Variants in NXN observed in about 807,000 individuals in gnomAD.
The protein encoded by NXN is nucleoredoxin.
Under a neutral mutation model 48.6 loss-of-function variants are expected in NXN, and 16 were observed. The observed-to-expected ratio is 0.33, with a 90% confidence interval of 0.22 to 0.50. The LOEUF is 0.50. Ranked by LOEUF, NXN falls within the 20% of genes least tolerant of loss-of-function variation. The pLI is 0.98. For missense variants in NXN, 492 were observed against 605.5 expected, an observed-to-expected ratio of 0.81 and a Z score of 1.97; for synonymous variants, 281 against 269.6, an observed-to-expected ratio of 1.04 and a Z score of -0.41.
intron 1 of NXN, among the ~76,000 whole-genome samples, chr17:884,172 G>C (rs1372816272): frequency 6.6e-6 from 1 of 152,126 alleles, no homozygotes; most frequent in Non-Finnish European, 1.5e-5. Context: ...AGTGAGCTGA[G>C]ATTGCACCAC....
chr17:946,204 C>T (rs984696158), intron 1 of NXN, among the ~76,000 whole-genome samples: 3 of 40,504 alleles, frequency 7.4e-5, no homozygotes, highest in East Asian at 6.2e-4. Context: ...GGCGCGATCC[C>T]TGCTCACTGC....
rs1035128641 is a variant in NXN, at chr17:918,517, C to T, written c.360+60802G>A. Reference sequence around the variant, plus strand: ...GACTTAAAAAGGGTTTGGTTGAGGCCGGGCGCAGTGGCTCATGCCTGTAAT... The same window carrying T: ...GACTTAAAAAGGGTTTGGTTGAGGCTGGGCGCAGTGGCTCATGCCTGTAAT... On this transcript the variant is annotated intron_variant, in intron 1 of 7. Transcript: ENST00000336868. 3.9e-5 allele frequency among the ~76,000 whole-genome samples: 6 copies of T among 152,154 alleles called. No individual in the cohort carries two copies. The East Asian group carries it at 9.7e-4, about 24-fold the overall frequency.
intron 1 of NXN, among the ~76,000 whole-genome samples, chr17:889,215 C>A (rs2068382857): frequency 6.6e-6 from 1 of 151,998 alleles, no homozygotes; most frequent in Non-Finnish European, 1.5e-5. Context: ...CCTGCACGTG[C>A]CACACTTGCC....
chr17:938,614 G>T (rs1451845648), intron 1 of NXN, among the ~76,000 whole-genome samples: 1 of 152,106 alleles, frequency 6.6e-6, no homozygotes, highest in East Asian at 1.9e-4. Context: ...ACCTGGGGAG[G>T]CGGAGGTCGC....
chr17:838,026 C>A (rs1383813675), intron 1 of NXN, among the ~76,000 whole-genome samples: 1 of 152,058 alleles, frequency 6.6e-6, no homozygotes, highest in African/African-American at 2.4e-5. Flanking sequence ...TCCTTCTCTG[C>A]CACGCCAGGC....
chr17:956,744 A>C lies in NXN; in HGVS notation c.360+22575T>G, dbSNP rs141480934. ...GCTTTTTATATCAGTCATCGTCTTA[A>C]ACCTCCACCGCAACCTGACAAGGTG... On this transcript the variant is annotated intron_variant, in intron 1 of 7. Transcript: ENST00000336868. This position sits in a 1 kb window ranked among gnomAD's most constrained non-coding sequence, Gnocchi z 4.1. Among the ~76,000 whole-genome samples, 1 of 152,178 alleles carries C rather than the reference A, an allele frequency of 6.6e-6. No individual in the cohort carries two copies. Among genetic ancestry groups the C allele is most frequent in the Non-Finnish European group, 1.5e-5 (1 of 68,000 alleles).
At chr17:970,034 T>G (rs758941925) in intron 1 of NXN, among the ~76,000 whole-genome samples, 1 of 152,222 alleles carries the variant, frequency 6.6e-6, no homozygotes, top group African/African-American at 2.4e-5. Context: ...GAAGCTTACG[T>G]TGTTTTTTTA....
intron 5 of NXN, among the ~76,000 whole-genome samples, chr17:806,583 C>T (rs930218329): frequency 6.6e-6 from 1 of 152,162 alleles, no homozygotes; most frequent in African/African-American, 2.4e-5. Flanking sequence ...CCACACCCTG[C>T]ACGTTCCAGA....
Position 834,829 on chromosome 17 carries a change from T to C in NXN, c.361-8751A>G, listed in dbSNP as rs144638667. Among the ~76,000 whole-genome samples the C allele has an allele frequency of 5.5e-3, 829 of 151,696 alleles. 14 individuals are homozygous for C. The highest frequency in any genetic ancestry group is 0.019 in the African/African-American group (779 of 41,438). Reference sequence around the variant, plus strand: ...AGCCACTGTGTCTGGCTAATTTTTGTACTTTTAGTAGAGACAGGGTTTCAC... The same window carrying C: ...AGCCACTGTGTCTGGCTAATTTTTGCACTTTTAGTAGAGACAGGGTTTCAC... On this transcript the variant is annotated intron_variant, in intron 1 of 7. Coordinates refer to ENST00000336868, the MANE Select transcript of NXN (RefSeq NM_022463.5).
intron 1 of NXN, among the ~76,000 whole-genome samples, chr17:888,623 A>G (rs573609279): frequency 6.6e-6 from 1 of 151,960 alleles, no homozygotes; most frequent in South Asian, 2.1e-4. Context: ...TACAGCTGGG[A>G]TGAGAGAGGA....
At chr17:903,080 T>C (rs2068551775) in intron 1 of NXN, among the ~76,000 whole-genome samples, 1 of 152,068 alleles carries the variant, frequency 6.6e-6, no homozygotes, top group South Asian at 2.1e-4. Context: ...TCCCCTCCCA[T>C]CATTTCATCG....
intron 1 of NXN, among the ~76,000 whole-genome samples, chr17:942,651 C>CAA: frequency 1.0e-5 from 1 of 95,722 alleles, no homozygotes; most frequent in African/African-American, 4.7e-5. Context: ...GAACTCACAT[C>CAA]ACACCTTCCT....
At chr17:808,778 G>C (rs1911737189) in intron 5 of NXN, among the ~76,000 whole-genome samples, 1 of 149,012 alleles carries the variant, frequency 6.7e-6, no homozygotes, top group Non-Finnish European at 1.5e-5. Context: ...GGGTTCAAGT[G>C]ATTATCTTGC....
intron 1 of NXN, among the ~76,000 whole-genome samples, chr17:885,464 C>T (rs1048716240): frequency 1.0e-4 from 15 of 149,178 alleles, no homozygotes; most frequent in Admixed American, 2.0e-4. Flanking sequence ...GCAACAAGAG[C>T]GAGACTCAAT....
At chr17:960,711 C>T (rs921809461) in intron 1 of NXN, among the ~76,000 whole-genome samples, 2 of 151,930 alleles carry the variant, frequency 1.3e-5, no homozygotes, top group East Asian at 1.9e-4. Flanking sequence ...CTCCTGGGCT[C>T]GAGTGATCCT....
chr17:801,113 G>A lies in NXN; in HGVS notation c.1144C>T (p.Leu382=). Residue 382 remains leucine (L), a synonymous_variant, in exon 8 of 8, where the codon CTG becomes TTG. Coordinates refer to ENST00000336868, the MANE Select transcript of NXN (RefSeq NM_022463.5). Reference sequence around the variant, plus strand: ...TCAGGCAGGTTGGTGTAATCTCGCAGGGAGTCAGTCATGTCATCCTGAAGC... The same window carrying A: ...TCAGGCAGGTTGGTGTAATCTCGCAAGGAGTCAGTCATGTCATCCTGAAGC... ...VAGEDDMTDS[L]RDYTNLPEAA... 1 of 1,552,912 alleles carries A rather than the reference G, an allele frequency of 6.4e-7. No individual in the cohort carries two copies.
At chr17:904,297 C>CGTCGGAT (rs1408148429) in intron 1 of NXN, among the ~76,000 whole-genome samples, 2 of 131,466 alleles carry the variant, frequency 1.5e-5, no homozygotes, top group Non-Finnish European at 1.5e-5. Context: ...GGACGTCGGA[C>CGTCGGAT]GCCGTCCGGC....
chr17:973,276 G>C (rs940998653), intron 1 of NXN, among the ~76,000 whole-genome samples: 1 of 152,204 alleles, frequency 6.6e-6, no homozygotes, highest in African/African-American at 2.4e-5. Flanking sequence ...GTCCACGCTA[G>C]AGGTGGCGTT....
intron 1 of NXN, among the ~76,000 whole-genome samples, chr17:968,920 G>A (rs932466561): frequency 1.3e-5 from 2 of 151,912 alleles, no homozygotes; most frequent in African/African-American, 4.8e-5. Context: ...CTGGGAGACA[G>A]AGAGAGACAC....
Sources: gnomAD v4.1 joint callset for allele counts (sites outside exome capture counted in the v4.1 genomes callset) on GRCh38, gnomAD v4.1.1 for gene constraint, Gnocchi (gnomAD v3.1) non-coding constraint, MANE v1.5 for transcripts, NCBI Gene and HGNC (gene_info 2026-07-23, HGNC 2026-07-21) for gene names.